The following RALGAPA2 variants were observed in gnomAD, a reference collection of about 807,000 sequenced individuals.
RALGAPA2 encodes the protein ral GTPase-activating protein subunit alpha-2.
RALGAPA2 carries 139 observed loss-of-function variants against 230.4 expected under a neutral mutation model. That is an observed-to-expected ratio of 0.60 (90% CI 0.53 to 0.69). The LOEUF (loss-of-function observed/expected upper bound fraction) is 0.69, where lower values mean the gene tolerates loss of function less well. RALGAPA2 is among the 30% of genes least tolerant of loss of function. The probability of loss-of-function intolerance (pLI) is 0.00; values close to 1 mark genes in which losing one functional copy is unlikely to be tolerated. For missense variants in RALGAPA2, 2,163 were observed against 2,276.0 expected, an observed-to-expected ratio of 0.95 and a Z score of 1.01; for synonymous variants, 847 against 837.8, an observed-to-expected ratio of 1.01 and a Z score of -0.19.
intron 3 of RALGAPA2, among the ~76,000 whole-genome samples, chr20:20,658,560 T>G (rs2067665092): frequency 6.6e-6 from 1 of 152,344 alleles, no homozygotes; most frequent in South Asian, 2.1e-4. Flanking sequence ...ATATTACTTT[T>G]CTGAAAAACA....
At chr20:20,520,575 C>T (rs1473111395) in intron 31 of RALGAPA2, among the ~76,000 whole-genome samples, 21 of 152,186 alleles carry the variant, frequency 1.4e-4, no homozygotes, top group Admixed American at 1.4e-3. Context: ...GGAAAGCCCT[C>T]ATGGTGCTAC....
At chr20:20,594,728 C>CTTT (rs759189397) in intron 16 of RALGAPA2, among the ~76,000 whole-genome samples, 25 of 134,026 alleles carry the variant, frequency 1.9e-4, no homozygotes, top group South Asian at 1.5e-3. Flanking sequence ...CTATTACTTT[C>CTTT]TTTTTTTTTT....
At position 20,686,439 on chromosome 20, in the gene RALGAPA2, G is replaced by C. The variant is rs138586540; in HGVS notation, c.107-5638C>G. On this transcript the variant is annotated intron_variant, in intron 1 of 39. Coordinates refer to ENST00000202677, the MANE Select transcript of RALGAPA2 (RefSeq NM_020343.4). ...CACATGTCTGTAATCCCAGCTACTC[G>C]GGAGGCTGAGGCAGGAGAATTGACT... Among the ~76,000 whole-genome samples, 39 of 151,920 alleles carry C rather than the reference G, an allele frequency of 2.6e-4. No homozygotes were observed. In the East Asian group the frequency reaches 5.2e-3, roughly 20 times the overall value.
chr20:20,660,536 T>C (rs1225116705), intron 3 of RALGAPA2, among the ~76,000 whole-genome samples: 1 of 151,770 alleles, frequency 6.6e-6, no homozygotes, highest in African/African-American at 2.4e-5. Context: ...TTTTTTTTTA[T>C]TTAAGTAGAC....
chr20:20,626,233 AGAG>A (rs2066486304), intron 10 of RALGAPA2, among the ~76,000 whole-genome samples: 1 of 152,258 alleles, frequency 6.6e-6, no homozygotes, highest in South Asian at 2.1e-4. Flanking sequence ...TTTCCATAAA[AGAG>A]AAATTCATCA....
chr20:20,677,498 T>C (rs886733664), intron 2 of RALGAPA2, among the ~76,000 whole-genome samples: 5 of 151,868 alleles, frequency 3.3e-5, no homozygotes, highest in Admixed American at 6.6e-5. Flanking sequence ...AGCGGGACAG[T>C]TGGAGAAGCT....
chr20:20,566,500 T>C (rs989120056), intron 23 of RALGAPA2, among the ~76,000 whole-genome samples: 1 of 152,158 alleles, frequency 6.6e-6, no homozygotes, highest in Non-Finnish European at 1.5e-5. Context: ...AAAATGTATA[T>C]GGAGAAAGAA....
intron 17 of RALGAPA2, among the ~76,000 whole-genome samples, chr20:20,590,315 A>T (rs1045772114): frequency 1.3e-5 from 2 of 151,838 alleles, no homozygotes; most frequent in African/African-American, 2.4e-5. Flanking sequence ...AATATGTATA[A>T]AAAAAAAGCC....
rs147399035 is a variant in RALGAPA2 at position 20,632,315 on chromosome 20, C to T, written c.1006-2725G>A. On this transcript the variant is annotated intron_variant, in intron 9 of 39. Coordinates refer to ENST00000202677, the MANE Select transcript of RALGAPA2 (RefSeq NM_020343.4). ...AAAGTGCTGGGATTACATGTGTGAG[C>T]CACCGTGCCCGGCCCCTAATTGATT... 6.0e-4 allele frequency among the ~76,000 whole-genome samples: 92 copies of T among 152,220 alleles called. 2 individuals carry two copies. In the East Asian group the frequency reaches 0.018, roughly 29 times the overall value.
chr20:20,413,465 C>G (rs1288306361), intron 37 of RALGAPA2, among the ~76,000 whole-genome samples: 1 of 152,186 alleles, frequency 6.6e-6, no homozygotes, highest in Admixed American at 6.5e-5. Context: ...CATTCTAGGG[C>G]TGTGCTATCC....
In RALGAPA2 at chr20:20,520,996, T is replaced by C. The variant is rs553430727; in HGVS notation, c.4005A>G (p.Pro1335=). 1.9e-6 allele frequency: 3 copies of C among 1,613,954 alleles called. No individual in the cohort carries two copies. The highest frequency in any genetic ancestry group is 1.3e-5 in the African/African-American group (1 of 75,042). ...GCTCAGAGCTCTTCACATTTGCCAG[T>C]GGCAGGAAGGGGTCATAATCCGTGG... ...LSSTDYDPFL[P]LANVKSSEPV... Residue 1335 remains proline, a synonymous_variant, in exon 31 of 40, where the codon CCA becomes CCG. Transcript: ENST00000202677.
intron 37 of RALGAPA2, among the ~76,000 whole-genome samples, chr20:20,462,732 C>T (rs912163538): frequency 1.9e-4 from 29 of 152,320 alleles, no homozygotes; most frequent in African/African-American, 6.7e-4. Context: ...CGGAAACCTG[C>T]TGGGAGCTCA....
chr20:20,614,536 A>C (rs2066074870), intron 13 of RALGAPA2, among the ~76,000 whole-genome samples: 1 of 152,216 alleles, frequency 6.6e-6, no homozygotes, highest in Non-Finnish European at 1.5e-5. Flanking sequence ...CATATTGTGC[A>C]TCACTGTAAT....
rs1364874854 is a variant in RALGAPA2 at position 20,391,933 on chromosome 20, C to G, written c.*1356G>C. On this transcript the variant is annotated 3_prime_UTR_variant, in exon 40 of 40. Coordinates refer to ENST00000202677, the MANE Select transcript of RALGAPA2 (RefSeq NM_020343.4). ...GCTCTGTACCTGGCCGCTGTGAGAA[C>G]AAAGCCTGCGCAGTGGCGATGGACT... The G allele has an allele frequency of 6.6e-6, 1 of 152,382 alleles. No individual in the cohort carries two copies. Among genetic ancestry groups the G allele is most frequent in the Non-Finnish European group, 1.5e-5 (1 of 68,158 alleles). 9.4% of individuals were successfully genotyped at this position (152,382 alleles called of 1,614,324 possible).
chr20:20,457,506 G>C (rs954064705), intron 37 of RALGAPA2, among the ~76,000 whole-genome samples: 2 of 152,178 alleles, frequency 1.3e-5, no homozygotes, highest in Non-Finnish European at 2.9e-5. Flanking sequence ...TGATGACAAG[G>C]AGCTGAATTC....
intron 37 of RALGAPA2, among the ~76,000 whole-genome samples, chr20:20,441,736 TC>T (rs1421657988): frequency 1.3e-5 from 2 of 152,228 alleles, no homozygotes; most frequent in Non-Finnish European, 2.9e-5. Context: ...TACAGAGGTA[TC>T]CTAGAGTCAT....
chr20:20,640,619 T>C, intron 6 of RALGAPA2, 82 bp downstream of exon 6: 1 of 1,357,040 alleles, frequency 7.4e-7, no homozygotes. Context: ...AGGATTTCTA[T>C]TCAAGAAAAT....
intron 36 of RALGAPA2, among the ~76,000 whole-genome samples, 160 bp from the exon 37 acceptor site, chr20:20,473,116 T>C (rs1269254111): frequency 2.0e-5 from 3 of 152,214 alleles, no homozygotes; most frequent in African/African-American, 4.8e-5. Flanking sequence ...GGCTTTCAAA[T>C]TGAGTGAAGC....
intron 37 of RALGAPA2, among the ~76,000 whole-genome samples, chr20:20,455,345 G>C (rs1001880411): frequency 1.3e-5 from 2 of 152,264 alleles, no homozygotes; most frequent in Non-Finnish European, 2.9e-5. Context: ...TCCAGATGCA[G>C]AGTGGCACTC....
Sources: gnomAD v4.1 joint callset for allele counts (sites outside exome capture counted in the v4.1 genomes callset) on GRCh38, gnomAD v4.1.1 for gene constraint, MANE v1.5 for transcripts, NCBI Gene and HGNC (gene_info 2026-07-23, HGNC 2026-07-21) for gene names.